Variants in MAN2B1 observed in about 807,000 individuals in gnomAD.
The protein encoded by MAN2B1 is lysosomal alpha-mannosidase.
A neutral mutation model predicts 127.5 loss-of-function variants in MAN2B1; 99 were observed. That is an observed-to-expected ratio of 0.78 (90% CI 0.66 to 0.92). The LOEUF is 0.92. Among genes scored for constraint, MAN2B1 ranks in the 40% least tolerant of loss-of-function variants. The pLI is 0.00. For missense variants in MAN2B1, 1,304 were observed against 1,384.8 expected, an observed-to-expected ratio of 0.94 and a Z score of 0.93; for synonymous variants, 573 against 568.8, an observed-to-expected ratio of 1.01 and a Z score of -0.11.
Position 12,648,381 on chromosome 19 carries a change from C to G in MAN2B1, c.2458G>C (p.Asp820His). The G allele has an allele frequency of 2.5e-6, 4 of 1,612,786 alleles. No homozygotes were observed. Among genetic ancestry groups the G allele is most frequent in the Non-Finnish European group, 3.4e-6 (4 of 1,179,282 alleles). Residue 820 changes from aspartate (D) to histidine (H), a missense_variant, in exon 21 of 24, where the codon GAC becomes CAC. Asp to His is a moderately conservative substitution (Grantham distance 81). Transcript: ENST00000456935. ...ELMVHRRLLK[D>H]DGRGVSEPLM... ...GGCTCCGATACTCCGCGTCCATCGT[C>G]CTTCAGCAGCCTTCGGTGCACCTGG...
chr19:12,647,160 C>A lies in MAN2B1; in HGVS notation c.2923+73G>T, dbSNP rs2023706955. ...TTTGGGTCCTGGCCAACATCCCATG[C>A]CTCACACATTGCCCCCACCTGCCGG... On this transcript the variant is annotated intron_variant, in intron 23 of 23. Transcript: ENST00000456935. The surrounding 1 kb of genome is among the most constrained non-coding windows in gnomAD (Gnocchi z 4.9). The A allele has an allele frequency of 2.2e-6, 3 of 1,363,534 alleles. No homozygotes were observed. The African/African-American group carries it at 4.3e-5, about 20-fold the overall frequency. The allele number at this position is 1,363,534 out of a possible 1,614,324, so 84.5% of individuals were successfully genotyped here. A position where few individuals can be genotyped will look rare whatever the true frequency, so the allele number is the denominator to read the frequency against.
At chr19:12,656,004 G>C (rs1027707932) in intron 13 of MAN2B1, 125 bp from the exon 14 acceptor site, 3 of 728,458 alleles carry the variant, frequency 4.1e-6, no homozygotes, top group African/African-American at 3.5e-5. Flanking sequence ...GGTGTGTGTG[G>C]TGGGGGGACA....
Position 12,663,439 on chromosome 19 carries a change from GGTT to G in MAN2B1, c.784_786del (p.Asn262del), listed in dbSNP as rs1555709511. On this transcript the variant is annotated inframe_deletion, in exon 6 of 24. Coordinates refer to ENST00000456935, the MANE Select transcript of MAN2B1 (RefSeq NM_000528.4). ...ACATCCCAGCACAGATTCCTTGGCG[GGTT>G]GTAACCATTGGGAAGCACACCTGCA... is the stretch of plus-strand genomic sequence containing the variant. 1 of 1,614,110 alleles carries G rather than the reference GGTT, an allele frequency of 6.2e-7. No homozygotes were observed. Among genetic ancestry groups the G allele is most frequent in the Non-Finnish European group, 8.5e-7 (1 of 1,180,030 alleles).
At position 12,647,604 on chromosome 19, in the gene MAN2B1, GGA is replaced by G. The variant is rs759163329; in HGVS notation, c.2665-8_2665-7del. 17 of 1,610,828 alleles carry G rather than the reference GGA, an allele frequency of 1.1e-5. No homozygotes were observed. The highest frequency in any genetic ancestry group is 1.7e-5 in the Admixed American group (1 of 59,910). Reference sequence around the variant, plus strand: ...TCCCTGCGCAGCCCTGAGAACTGCGGGAGAGAGGGCGGGGCTGAGTTGGAGAG... The same window carrying G: ...TCCCTGCGCAGCCCTGAGAACTGCGGGAGAGGGCGGGGCTGAGTTGGAGAG... On this transcript the variant is annotated splice_region_variant and splice_polypyrimidine_tract_variant and intron_variant, in intron 21 of 23. Coordinates refer to ENST00000456935, the MANE Select transcript of MAN2B1 (RefSeq NM_000528.4). The surrounding 1 kb of genome is among the most constrained non-coding windows in gnomAD (Gnocchi z 4.9).
chr19:12,652,958 T>TAGGA (rs1336909381), intron 14 of MAN2B1, among the ~76,000 whole-genome samples: 1 of 151,258 alleles, frequency 6.6e-6, no homozygotes, highest in African/African-American at 2.4e-5. Context: ...CTCAGCCTCC[T>TAGGA]GGGTAGCTGG....
rs537521074 is a variant in MAN2B1, at chr19:12,654,667, C to T, written c.1830+1027G>A. 4.6e-5 allele frequency among the ~76,000 whole-genome samples: 7 copies of T among 152,204 alleles called. No homozygotes were observed. The South Asian group carries it at 1.5e-3, about 32-fold the overall frequency. On this transcript the variant is annotated intron_variant, in intron 14 of 23. Coordinates refer to ENST00000456935, the MANE Select transcript of MAN2B1 (RefSeq NM_000528.4). ...CTTCCTAACATGAACAGTCCTACTG[C>T]AGAACTTCTTTTATTTTATTTTATT...
In MAN2B1 at chr19:12,649,671, A is replaced by C. The variant is rs578015111; in HGVS notation, c.2267+242T>G. Reference sequence around the variant, plus strand: ...TGATTTTTTTGTATTTTTAGTAGAGACGGGGTTTCACCATGTTAGCCAGGA... The same window carrying C: ...TGATTTTTTTGTATTTTTAGTAGAGCCGGGGTTTCACCATGTTAGCCAGGA... On this transcript the variant is annotated intron_variant, in intron 18 of 23. Coordinates refer to ENST00000456935, the MANE Select transcript of MAN2B1 (RefSeq NM_000528.4). 5.3e-5 allele frequency among the ~76,000 whole-genome samples: 8 copies of C among 150,886 alleles called. No homozygotes were observed. The East Asian group carries it at 1.6e-3, about 30-fold the overall frequency.
chr19:12,657,790 C>G, intron 10 of MAN2B1: 1 of 608,100 alleles, frequency 1.6e-6, no homozygotes. Context: ...CCCGTCTCTA[C>G]TAAAAATACA....
intron 14 of MAN2B1, among the ~76,000 whole-genome samples, chr19:12,655,238 C>T (rs898165310): frequency 2.6e-5 from 4 of 152,158 alleles, no homozygotes; most frequent in Non-Finnish European, 5.9e-5. Context: ...ACCTGTCACC[C>T]GTTCACCCTG....
At chr19:12,656,744 C>T in intron 12 of MAN2B1, 57 bp from the exon 13 acceptor site, 1 of 1,336,416 alleles carries the variant, frequency 7.5e-7, no homozygotes, top group Non-Finnish European at 1.1e-6. Flanking sequence ...TCCAAACCCA[C>T]CCACTTTGCA....
chr19:12,649,357 G>A lies in MAN2B1; in HGVS notation c.2339C>T (p.Thr780Ile), dbSNP rs1599340867. ...PVAGNYYPVN[T>I]RIYITDGNMQ... ...GAGAGCTACCGTGATGTAAATCCGG[G>A]TGTTGACTGGATAGTAGTTTCCTGC... The change falls in exon 19 of 24, where the codon ACC becomes ATC. Residue 780 changes from threonine to isoleucine, a missense_variant. Thr to Ile is a moderately conservative substitution (Grantham distance 89). Coordinates refer to ENST00000456935, the MANE Select transcript of MAN2B1 (RefSeq NM_000528.4). 1 of 1,613,638 alleles carries A rather than the reference G, an allele frequency of 6.2e-7. No individual in the cohort carries two copies.
chr19:12,661,988 G>T (rs915760819), intron 6 of MAN2B1, among the ~76,000 whole-genome samples: 2 of 152,192 alleles, frequency 1.3e-5, no homozygotes, highest in South Asian at 4.2e-4. Flanking sequence ...GGGATTACAG[G>T]CGTGCGCCAC....
At chr19:12,655,591 A>G in intron 14 of MAN2B1, 103 bp downstream of exon 14, 6 of 1,153,952 alleles carry the variant, frequency 5.2e-6, no homozygotes, top group Non-Finnish European at 7.4e-6. Context: ...TTGTGACAGG[A>G]GGTCATAAGC....
chr19:12,658,970 C>A, intron 7 of MAN2B1: 1 of 260,418 alleles, frequency 3.8e-6, no homozygotes, highest in Non-Finnish European at 7.6e-6. Flanking sequence ...CATTCTCCAG[C>A]CTCAGCCTCA....
chr19:12,650,804 G>A (rs1368705736), intron 16 of MAN2B1, among the ~76,000 whole-genome samples: 1 of 151,844 alleles, frequency 6.6e-6, no homozygotes, highest in Non-Finnish European at 1.5e-5. Flanking sequence ...CCGAGTAGAG[G>A]GATTGCAGGT....
rs8108316 is a variant in MAN2B1 at position 12,661,009 on chromosome 19, A to G, written c.1026+251T>C. The G allele has an allele frequency of 0.36, 149,032 of 409,922 alleles. 30,304 individuals are homozygous for G. The highest frequency in any genetic ancestry group is 0.56 in the African/African-American group (27,191 of 48,608). The allele number at this position is 409,922 out of a possible 1,614,324, so 25.4% of individuals were successfully genotyped here. A position where few individuals can be genotyped will look rare whatever the true frequency, so the allele number is the denominator to read the frequency against. ...CCTGACCTCGTGATCTGCCCGGCTC[A>G]GCCTCCCAACATGCTGGGATTACAG... On this transcript the variant is annotated intron_variant, in intron 7 of 23. Coordinates refer to ENST00000456935, the MANE Select transcript of MAN2B1 (RefSeq NM_000528.4).
chr19:12,646,769 G>A, intron 23 of MAN2B1, 37 bp from the exon 24 acceptor site: 2 of 1,420,544 alleles, frequency 1.4e-6, no homozygotes, highest in Non-Finnish European at 2.0e-6. Flanking sequence ...GTGAGGAGGT[G>A]CAGACTTCCT....
At position 12,649,199 on chromosome 19, in the gene MAN2B1, C is replaced by G; in HGVS notation, c.2373G>C (p.Leu791=). The G allele has an allele frequency of 1.2e-6, 2 of 1,613,404 alleles. No individual in the cohort carries two copies. The highest frequency in any genetic ancestry group is 1.1e-5 in the South Asian group (1 of 91,036). Reference sequence around the variant, plus strand: ...CCTGGGAGCGGTCAGTCAGCACAGTCAGCTGCATGTTTCCATCCTGGGAGT... The same window carrying G: ...CCTGGGAGCGGTCAGTCAGCACAGTGAGCTGCATGTTTCCATCCTGGGAGT... The part of the protein sequence containing the change: ...RIYITDGNMQ[L]TVLTDRSQGG... Residue 791 remains leucine, a synonymous_variant, in exon 20 of 24, where the codon CTG becomes CTC. Transcript: ENST00000456935.
rs28639634 is a variant in MAN2B1, at chr19:12,649,910, C to A, written c.2267+3G>T. 2 of 1,612,356 alleles carry A rather than the reference C, an allele frequency of 1.2e-6. No homozygotes were observed. The highest frequency in any genetic ancestry group is 1.3e-5 in the African/African-American group (1 of 74,584). On this transcript the variant is annotated splice_donor_region_variant and intron_variant, in intron 18 of 23. Transcript: ENST00000456935. Reference sequence around the variant, plus strand: ...CCCCTCAGTGCTCTCAGTCACCCCCCACCTCCTCTCCAGGATCTCCCGGCC... The same window carrying A: ...CCCCTCAGTGCTCTCAGTCACCCCCAACCTCCTCTCCAGGATCTCCCGGCC...
Sources: allele counts gnomAD v4.1 joint callset (sites outside exome capture counted in the v4.1 genomes callset), GRCh38; gene constraint gnomAD v4.1.1; non-coding constraint Gnocchi (gnomAD v3.1); transcripts MANE v1.5; gene names NCBI Gene and HGNC (gene_info 2026-07-23, HGNC 2026-07-21).